DHX38: variants seen among roughly 807,000 people sequenced by gnomAD.
DHX38 encodes DEAH-box helicase 38, also known as pre-mRNA-splicing factor ATP-dependent RNA helicase PRP16.
Under a neutral mutation model 153.1 loss-of-function variants are expected in DHX38, and 100 were observed. That is an observed-to-expected ratio of 0.65 (90% CI 0.56 to 0.77). The LOEUF is 0.77. Ranked by LOEUF, DHX38 falls within the 30% of genes least tolerant of loss-of-function variation. DHX38 has a pLI of 0.00. For missense variants in DHX38, 1,440 were observed against 1,654.0 expected (o/e 0.87, Z 2.24); for synonymous variants, 650 against 631.7 (o/e 1.03, Z -0.43).
chr16:72,099,521 G>A (rs752791578), intron 7 of DHX38, among the ~76,000 whole-genome samples: 4 of 151,632 alleles, frequency 2.6e-5, no homozygotes, highest in Non-Finnish European at 4.4e-5. Flanking sequence ...AAGTGCTATC[G>A]TGATGGGCTG....
chr16:72,108,837 C>T lies in DHX38; in HGVS notation c.3293C>T (p.Pro1098Leu). 1 of 1,614,022 alleles carries T rather than the reference C, an allele frequency of 6.2e-7. No individual in the cohort carries two copies. The highest frequency in any genetic ancestry group is 8.5e-7 in the Non-Finnish European group (1 of 1,179,980). The change falls in exon 24 of 27, where the codon CCC (proline) becomes CTC (leucine). Residue 1098 changes from proline (P) to leucine (L), a missense_variant. Physicochemically the swap from Pro to Leu is moderately conservative, Grantham distance 98. Transcript: ENST00000268482. ...GEYVNIRTGM[P>L]CHLHPTSSLF... The stretch of plus-strand genomic sequence containing the variant: ...TACGTGAACATCCGCACAGGGATGC[C>T]CTGCCACTTGCACCCCACCAGCTCC...
At chr16:72,096,040 G>A in intron 1 of DHX38, 99 bp from the exon 2 acceptor site, 1 of 1,251,204 alleles carries the variant, frequency 8.0e-7, no homozygotes, top group South Asian at 1.5e-5. Context: ...AGGGGAGATG[G>A]GGAAGGTTAA....
Position 72,103,803 on chromosome 16 carries a change from G to A in DHX38, c.1824+15G>A. On this transcript the variant is annotated intron_variant, in intron 13 of 26. Coordinates refer to ENST00000268482, the MANE Select transcript of DHX38 (RefSeq NM_014003.4). ...TTGGCGAGGAGGTGAGTGGGCGTGG[G>A]GGCTGAGCCATGTAGTTATTCCCTA... 6.2e-7 allele frequency: 1 copy of A among 1,606,712 alleles called. No homozygotes were observed.
Position 72,104,455 on chromosome 16 carries a change from A to G in DHX38, c.2011-31A>G, listed in dbSNP as rs773532570. On this transcript the variant is annotated intron_variant, in intron 14 of 26. Transcript: ENST00000268482. The surrounding 1 kb of genome is among the most constrained non-coding windows in gnomAD (Gnocchi z 4.5). ...GGGACAGGAGCCAAGGGTCCCCACC[A>G]TGGGGGCCTCCGAGCCGCCTCTTCT... 10 of 1,610,904 alleles carry G rather than the reference A, an allele frequency of 6.2e-6. No individual in the cohort carries two copies. The highest frequency in any genetic ancestry group is 1.3e-5 in the African/African-American group (1 of 74,868).
chr16:72,101,611 A>G lies in DHX38; in HGVS notation c.1498A>G (p.Arg500Gly), dbSNP rs1225208757. ...GACGGAGGATGGGAAGGTGGACTAC[A>G]GGTGGGCAGCCTCAGCCAGCAGCAC... Reference protein sequence around the residue: ...AVTEDGKVDYRTEQKFADHMK... With the variant: ...AVTEDGKVDYGTEQKFADHMK... Residue 500 changes from arginine (R) to glycine (G), a missense_variant and splice_region_variant, in exon 11 of 27, where the codon AGG (arginine) becomes GGG (glycine). Arg to Gly is a moderately radical substitution (Grantham distance 125). Transcript: ENST00000268482. The G allele has an allele frequency of 4.5e-6, 7 of 1,551,234 alleles. No homozygotes were observed. The highest frequency in any genetic ancestry group is 6.1e-6 in the Non-Finnish European group (7 of 1,146,832).
Position 72,104,164 on chromosome 16 carries a change from T to C in DHX38, c.2010+33T>C, listed in dbSNP as rs751503146. ...CTGTGTGGTTTGGTCTCTCTGCGCA[T>C]GGGGTGTTGACCAGTGCACCACCAG... On this transcript the variant is annotated intron_variant, in intron 14 of 26. Coordinates refer to ENST00000268482, the MANE Select transcript of DHX38 (RefSeq NM_014003.4). This position sits in a 1 kb window ranked among gnomAD's most constrained non-coding sequence, Gnocchi z 4.5. 3 of 1,607,068 alleles carry C rather than the reference T, an allele frequency of 1.9e-6. No individual in the cohort carries two copies. Among genetic ancestry groups the C allele is most frequent in the Admixed American group, 1.7e-5 (1 of 59,882 alleles).
intron 3 of DHX38, 63 bp from the exon 4 acceptor site, chr16:72,097,614 G>A: frequency 1.3e-6 from 2 of 1,503,802 alleles, no homozygotes; most frequent in South Asian, 1.2e-5. Flanking sequence ...CTTTCTCTAG[G>A]GTGAAGATGT....
At chr16:72,105,750 TGG>T in intron 18 of DHX38, 126 bp downstream of exon 18, 1 of 922,434 alleles carries the variant, frequency 1.1e-6, no homozygotes, top group Non-Finnish European at 1.7e-6. Flanking sequence ...GTGGTGGTGG[TGG>T]GAGGCTCACA....
rs199893016 is a variant in DHX38 at position 72,101,568 on chromosome 16, A to C, written c.1455A>C (p.Glu485Asp). Residue 485 changes from glutamate to aspartate, a missense_variant, in exon 11 of 27, where the codon GAA (glutamate) becomes GAC (aspartate). Glu to Asp is a conservative substitution (Grantham distance 45). Coordinates refer to ENST00000268482, the MANE Select transcript of DHX38 (RefSeq NM_014003.4). ...LGDIMGVKKE[E>D]EPDKAVTEDG... Reference sequence around the variant, plus strand: ...ATATAATGGGCGTCAAGAAGGAGGAAGAGCCAGATAAAGCTGTGACGGAGG... The same window carrying C: ...ATATAATGGGCGTCAAGAAGGAGGACGAGCCAGATAAAGCTGTGACGGAGG... 145 of 1,551,462 alleles carry C rather than the reference A, an allele frequency of 9.3e-5. No individual in the cohort carries two copies. The highest frequency in any genetic ancestry group is 1.2e-4 in the Non-Finnish European group (140 of 1,146,796).
chr16:72,096,317 C>G lies in DHX38; in HGVS notation c.160C>G (p.Leu54Val). 1 of 1,614,182 alleles carries G rather than the reference C, an allele frequency of 6.2e-7. No individual in the cohort carries two copies. The highest frequency in any genetic ancestry group is 8.5e-7 in the Non-Finnish European group (1 of 1,180,016). Residue 54 changes from leucine (L) to valine (V), a missense_variant, in exon 2 of 27, where the codon CTG becomes GTG. By Grantham distance (32) the Leu-to-Val change is conservative. Coordinates refer to ENST00000268482, the MANE Select transcript of DHX38 (RefSeq NM_014003.4). ...CCCTTCATTACTCGGACTGGACTTG[C>G]TGGCTTCCCTGAAACGGAGAGAGCG... Reference protein sequence around the residue: ...PRPSLLGLDLLASLKRREREE... With the variant: ...PRPSLLGLDLVASLKRREREE...
rs1402911992 is a variant in DHX38, at chr16:72,105,541, A to G, written c.2404A>G (p.Ile802Val). Reference sequence around the variant, plus strand: ...GGCTCCAGATGGCGTTCGGAAGTGCATCGTTGCCACCAATATTGCCGAGAC... The same window carrying G: ...GGCTCCAGATGGCGTTCGGAAGTGCGTCGTTGCCACCAATATTGCCGAGAC... ...QKAPDGVRKC[I>V]VATNIAETSL... Residue 802 changes from isoleucine (I) to valine (V), a missense_variant, in exon 18 of 27, where the codon ATC becomes GTC. Ile to Val is a conservative substitution (Grantham distance 29, BLOSUM62 3). Around this residue, in one of 6 missense-constraint regions of DHX38, gnomAD observed 543 missense variants for 717.9 expected, o/e 0.76. Transcript: ENST00000268482. The G allele has an allele frequency of 1.2e-6, 2 of 1,614,154 alleles. No individual in the cohort carries two copies. Among genetic ancestry groups the G allele is most frequent in the East Asian group, 2.2e-5 (1 of 44,870 alleles).
In DHX38 at chr16:72,101,518, G is replaced by A; in HGVS notation, c.1405G>A (p.Glu469Lys). Residue 469 changes from glutamate (E) to lysine (K), a missense_variant, in exon 11 of 27, where the codon GAA becomes AAA. Glu to Lys is a moderately conservative substitution (Grantham distance 56). Around this residue, in one of 6 missense-constraint regions of DHX38, gnomAD observed 241 missense variants for 229.5 expected, o/e 1.05. Transcript: ENST00000268482. ...ERKKAQHKHW[E>K]LAGTKLGDIM... ...TTTTCAGGCTCAGCACAAACACTGGGAACTGGCGGGGACCAAACTGGGAGA... is the reference window on the plus strand; with the variant it reads ...TTTTCAGGCTCAGCACAAACACTGGAAACTGGCGGGGACCAAACTGGGAGA... The A allele has an allele frequency of 6.4e-7, 1 of 1,552,066 alleles. No individual in the cohort carries two copies. Among genetic ancestry groups the A allele is most frequent in the South Asian group, 1.2e-5 (1 of 84,066 alleles).
chr16:72,111,749 C>T (rs765777747), intron 26 of DHX38, among the ~76,000 whole-genome samples: 10 of 152,200 alleles, frequency 6.6e-5, no homozygotes, highest in Non-Finnish European at 1.5e-4. Flanking sequence ...TTATTGCTAG[C>T]CAGGAAGCTC....
Position 72,108,928 on chromosome 16 carries a change from G to A in DHX38, c.3381+3G>A. On this transcript the variant is annotated splice_donor_region_variant and intron_variant, in intron 24 of 26. Transcript: ENST00000268482. ...ACGAGTTGGTCATGACCACCAAGGTGAGTCTTTTCCAAGGCACTTGCATAA... is the reference window on the plus strand; with the variant it reads ...ACGAGTTGGTCATGACCACCAAGGTAAGTCTTTTCCAAGGCACTTGCATAA... The A allele has an allele frequency of 1.3e-6, 2 of 1,596,902 alleles. No individual in the cohort carries two copies. The highest frequency in any genetic ancestry group is 1.7e-6 in the Non-Finnish European group (2 of 1,171,562).
In DHX38 at chr16:72,107,076, G is replaced by A. The variant is rs1256731541; in HGVS notation, c.2601-264G>A. ...CCCAGCTACTCGGGAGGCTGAGGCA[G>A]GAGAATCGCTTAAATCCGGGAGGCA... On this transcript the variant is annotated intron_variant, in intron 19 of 26. Transcript: ENST00000268482. The surrounding 1 kb of genome is among the most constrained non-coding windows in gnomAD (Gnocchi z 5.3). Among the ~76,000 whole-genome samples, 2 of 152,158 alleles carry A rather than the reference G, an allele frequency of 1.3e-5. No individual in the cohort carries two copies. Among genetic ancestry groups the A allele is most frequent in the African/African-American group, 4.8e-5 (2 of 41,440 alleles).
Position 72,103,769 on chromosome 16 carries a change from G to A in DHX38, c.1805G>A (p.Gly602Glu). The A allele has an allele frequency of 6.2e-7, 1 of 1,612,152 alleles. No homozygotes were observed. Residue 602 changes from glycine to glutamate, a missense_variant, in exon 13 of 27, where the codon GGG (glycine) becomes GAG (glutamate). Physicochemically the swap from Gly to Glu is moderately conservative, Grantham distance 98. Around this residue, in one of 6 missense-constraint regions of DHX38, gnomAD observed 241 missense variants for 229.5 expected, o/e 1.05. Transcript: ENST00000268482. ...SVAKRVSEEMGGNLGEEVGYA... is the reference protein window; with the variant it reads ...SVAKRVSEEMEGNLGEEVGYA... ...GCCAAGAGAGTCAGTGAAGAGATGG[G>A]GGGAAACCTTGGCGAGGAGGTGAGT...
intron 25 of DHX38, 54 bp downstream of exon 25, chr16:72,109,564 C>A: frequency 1.3e-6 from 2 of 1,539,532 alleles, no homozygotes; most frequent in South Asian, 1.2e-5. Flanking sequence ...GGTCGGTGTT[C>A]CCTCCGCTTG....
Position 72,104,353 on chromosome 16 carries a change from A to G in DHX38, c.2011-133A>G. The G allele has an allele frequency of 7.5e-7, 1 of 1,333,014 alleles. No individual in the cohort carries two copies. The highest frequency in any genetic ancestry group is 1.4e-5 in the South Asian group (1 of 69,676). 82.6% of individuals were successfully genotyped at this position (1,333,014 alleles called of 1,614,324 possible). Reference sequence around the variant, plus strand: ...CAGTGGCTCCATTGCTTCAGTCTTCATGATTGGTAAGAATTGAATAGGCCC... The same window carrying G: ...CAGTGGCTCCATTGCTTCAGTCTTCGTGATTGGTAAGAATTGAATAGGCCC... On this transcript the variant is annotated intron_variant, in intron 14 of 26. Coordinates refer to ENST00000268482, the MANE Select transcript of DHX38 (RefSeq NM_014003.4). This position sits in a 1 kb window ranked among gnomAD's most constrained non-coding sequence, Gnocchi z 4.5.
chr16:72,099,300 A>C lies in DHX38; in HGVS notation c.960+20A>C, dbSNP rs1168663620. 1.3e-6 allele frequency: 2 copies of C among 1,590,874 alleles called. No individual in the cohort carries two copies. Among genetic ancestry groups the C allele is most frequent in the Non-Finnish European group, 8.6e-7 (1 of 1,168,352 alleles). On this transcript the variant is annotated intron_variant, in intron 7 of 26. Transcript: ENST00000268482. Reference sequence around the variant, plus strand: ...CAGAGGGTAAAGTTTTATACCTCTGAGGGGCTGATCGGGGCTGGTGGCCGT... The same window carrying C: ...CAGAGGGTAAAGTTTTATACCTCTGCGGGGCTGATCGGGGCTGGTGGCCGT...
Sources: gnomAD v4.1 joint callset for allele counts (sites outside exome capture counted in the v4.1 genomes callset) on GRCh38, gnomAD v4.1.1 for gene constraint, gnomAD v4.1.1 regional missense constraint, Gnocchi (gnomAD v3.1) non-coding constraint, MANE v1.5 for transcripts, NCBI Gene and HGNC (gene_info 2026-07-23, HGNC 2026-07-21) for gene names.